Variants in TOPBP1 observed in about 807,000 individuals in gnomAD.
TOPBP1 encodes the protein DNA topoisomerase II binding protein 1.
Under a neutral mutation model 167.7 loss-of-function variants are expected in TOPBP1, and 28 were observed. That is an observed-to-expected ratio of 0.17 (90% CI 0.12 to 0.23). The LOEUF (loss-of-function observed/expected upper bound fraction) is 0.23, where lower values mean the gene tolerates loss of function less well. Ranked by LOEUF, TOPBP1 falls within the 10% of genes least tolerant of loss-of-function variation. TOPBP1 has a pLI of 1.00. For synonymous variants in TOPBP1, 598 were observed against 611.4 expected, an observed-to-expected ratio of 0.98 and a Z score of 0.32; for missense variants, 1,554 against 1,809.6, an observed-to-expected ratio of 0.86 and a Z score of 2.56.
chr3:133,659,160 A>G lies in TOPBP1; in HGVS notation c.85-10T>C, dbSNP rs1936592360. ...GGAATTCTTTTATGGACTGAAAGAA[A>G]AAATAAAATAAGAATGTACCTGAAA... On this transcript the variant is annotated splice_polypyrimidine_tract_variant and intron_variant, in intron 2 of 27. Transcript: ENST00000260810. 6.5e-7 allele frequency: 1 copy of G among 1,541,836 alleles called. No homozygotes were observed. The highest frequency in any genetic ancestry group is 8.7e-7 in the Non-Finnish European group (1 of 1,146,854).
rs779005084 is a variant in TOPBP1, at chr3:133,608,580, G to A, written c.4380C>T (p.Asn1460=). ...TGTATTCTGTTCTCAAGCAGTACAC[G>A]TTCTGGGCAGCAGCTTCTGCTATAT... ...GVNIAEAAAQ[N]VYCLRTEYIA... is the part of the protein sequence containing the mutation. Residue 1460 remains asparagine, a synonymous_variant, in exon 27 of 28, where the codon AAC becomes AAT. Transcript: ENST00000260810. 2.0e-5 allele frequency: 32 copies of A among 1,613,642 alleles called. No homozygotes were observed. The highest frequency in any genetic ancestry group is 3.3e-4 in the Middle Eastern group (2 of 6,084).
Position 133,618,276 on chromosome 3 carries a change from T to C in TOPBP1, c.3529A>G (p.Ile1177Val). 1 of 1,614,020 alleles carries C rather than the reference T, an allele frequency of 6.2e-7. No individual in the cohort carries two copies. The highest frequency in any genetic ancestry group is 8.5e-7 in the Non-Finnish European group (1 of 1,179,868). The stretch of plus-strand genomic sequence containing the variant: ...AAAGGAGAATCCTCCAAGTTTTGAA[T>C]GTCAACCTGAAGCTCAGAGTATTGT... ...PTQYSELQVD[I>V]QNLEDSPFQK... Residue 1177 changes from isoleucine to valine, a missense_variant, in exon 21 of 28, where the codon ATT becomes GTT. Ile to Val is a conservative substitution (Grantham distance 29, BLOSUM62 3). Coordinates refer to ENST00000260810, the MANE Select transcript of TOPBP1 (RefSeq NM_007027.4).
intron 27 of TOPBP1, among the ~76,000 whole-genome samples, chr3:133,605,076 G>A (rs1333461979): frequency 1.3e-5 from 2 of 151,658 alleles, no homozygotes; most frequent in South Asian, 4.2e-4. Flanking sequence ...GCGTGCGCTT[G>A]TAGTCCCAGC....
At chr3:133,637,188 C>T (rs1328507688) in intron 14 of TOPBP1, among the ~76,000 whole-genome samples, 2 of 151,880 alleles carry the variant, frequency 1.3e-5, no homozygotes, top group South Asian at 2.1e-4. Context: ...TTCAAAGGTT[C>T]GTGGATAAAG....
At chr3:133,634,666 T>C (rs1343690974) in intron 14 of TOPBP1, among the ~76,000 whole-genome samples, 3 of 152,056 alleles carry the variant, frequency 2.0e-5, no homozygotes, top group Admixed American at 1.3e-4. Flanking sequence ...TGGAAGAGCA[T>C]TTTCAGGAAA....
At position 133,620,184 on chromosome 3, in the gene TOPBP1, A is replaced by G. The variant is rs773365119; in HGVS notation, c.3342T>C (p.Ser1114=). 1.9e-5 allele frequency: 30 copies of G among 1,613,702 alleles called. No homozygotes were observed. The highest frequency in any genetic ancestry group is 8.5e-7 in the Non-Finnish European group (1 of 1,179,820). ...GTGCCTCTAGGACTCTACTTCGTCC[A>G]CTGCGAGCAGAGCGAGTGCTGTCAG... ...STPDSTRSAR[S]GRSRVLEALR... Residue 1114 remains serine (S), a synonymous_variant, in exon 20 of 28, where the codon AGT becomes AGC. Coordinates refer to ENST00000260810, the MANE Select transcript of TOPBP1 (RefSeq NM_007027.4).
At chr3:133,631,453 A>AT (rs1399292557) in intron 14 of TOPBP1, among the ~76,000 whole-genome samples, 3 of 151,942 alleles carry the variant, frequency 2.0e-5, no homozygotes, top group Admixed American at 6.6e-5. Flanking sequence ...TACTTTTCAG[A>AT]TTTTTTTTAA....
At chr3:133,612,333 C>A in intron 24 of TOPBP1, 56 bp downstream of exon 24, 2 of 1,597,336 alleles carry the variant, frequency 1.3e-6, no homozygotes, top group African/African-American at 1.3e-5. Context: ...AGCCACTGCA[C>A]CCGGTGGACA....
chr3:133,661,178 G>C (rs1371780710), intron 1 of TOPBP1, 44 bp from the exon 2 acceptor site: 8 of 1,442,636 alleles, frequency 5.5e-6, no homozygotes, highest in Non-Finnish European at 7.4e-6. Context: ...AACCACATTA[G>C]ATAAAAAGTT....
chr3:133,652,735 C>T, intron 7 of TOPBP1, 106 bp from the exon 8 acceptor site: 1 of 929,286 alleles, frequency 1.1e-6, no homozygotes. Flanking sequence ...AAACAACTTC[C>T]AAAGTAAGAT....
chr3:133,661,272 G>A (rs1288329495), intron 1 of TOPBP1, 138 bp from the exon 2 acceptor site: 2 of 617,226 alleles, frequency 3.2e-6, no homozygotes, highest in African/African-American at 1.9e-5. Context: ...TTCGTCAACG[G>A]CATTTCTAAG....
chr3:133,612,245 G>T, intron 24 of TOPBP1, 144 bp downstream of exon 24: 1 of 799,874 alleles, frequency 1.3e-6, no homozygotes, highest in Non-Finnish European at 1.9e-6. Context: ...TCACCATGTT[G>T]GCCAGGCATG....
rs188662172 is a variant in TOPBP1 at position 133,660,656 on chromosome 3, A to C, written c.84+388T>G. On this transcript the variant is annotated intron_variant, in intron 2 of 27. Coordinates refer to ENST00000260810, the MANE Select transcript of TOPBP1 (RefSeq NM_007027.4). ...ATCTACATCACCCCTACTATCATCC[A>C]ATTATTATACTGTACATAATAAAAC... Among the ~76,000 whole-genome samples the C allele has an allele frequency of 1.5e-3, 222 of 152,324 alleles. 1 individual carries two copies. The highest frequency in any genetic ancestry group is 2.2e-3 in the Non-Finnish European group (151 of 68,030).
intron 27 of TOPBP1, among the ~76,000 whole-genome samples, chr3:133,602,646 C>A (rs1414858415): frequency 6.9e-6 from 1 of 145,676 alleles, no homozygotes; most frequent in African/African-American, 2.8e-5. Context: ...AAGGCTCAGA[C>A]AGAAACATTT....
intron 16 of TOPBP1, among the ~76,000 whole-genome samples, chr3:133,624,494 AATG>A (rs1279422655): frequency 6.6e-6 from 1 of 152,252 alleles, no homozygotes; most frequent in Non-Finnish European, 1.5e-5. Context: ...CAGTTAAAAA[AATG>A]ATGATAGGCT....
chr3:133,616,201 C>T (rs979731522), intron 23 of TOPBP1, among the ~76,000 whole-genome samples: 1 of 151,102 alleles, frequency 6.6e-6, no homozygotes, highest in African/African-American at 2.4e-5. Flanking sequence ...CTCATTGCAA[C>T]CTCCGCCTCC....
Position 133,649,643 on chromosome 3 carries a change from T to C in TOPBP1, c.1254-10A>G, listed in dbSNP as rs1417565404. 6.2e-7 allele frequency: 1 copy of C among 1,612,230 alleles called. No homozygotes were observed. The highest frequency in any genetic ancestry group is 8.5e-7 in the Non-Finnish European group (1 of 1,179,160). ...TCCCACTACATGAGGCCTACAAAAA[T>C]AGCACATAGTTATGTATTAGTGCAA... On this transcript the variant is annotated splice_polypyrimidine_tract_variant and intron_variant, in intron 9 of 27. Transcript: ENST00000260810.
intron 16 of TOPBP1, among the ~76,000 whole-genome samples, chr3:133,627,032 C>T (rs990137121): frequency 2.6e-5 from 4 of 152,310 alleles, no homozygotes; most frequent in African/African-American, 9.6e-5. Flanking sequence ...GGAACAACTT[C>T]ACTTGAGAAC....
rs1174662990 is a variant in TOPBP1, at chr3:133,643,326, G to A, written c.1895C>T (p.Pro632Leu). The change falls in exon 12 of 28, where the codon CCT becomes CTT. Residue 632 changes from proline (P) to leucine (L), a missense_variant. By Grantham distance (98) the Pro-to-Leu change is moderately conservative. Transcript: ENST00000260810. Reference sequence around the variant, plus strand: ...CATTACTGGAACTGGTGTGAAGAGAGGATTCGACTTTGGATCAAACAAAGT... The same window carrying A: ...CATTACTGGAACTGGTGTGAAGAGAAGATTCGACTTTGGATCAAACAAAGT... ...YQTLFDPKSN[P>L]LFTPVPVMTG... 1 of 1,609,162 alleles carries A rather than the reference G, an allele frequency of 6.2e-7. No homozygotes were observed. The highest frequency in any genetic ancestry group is 8.5e-7 in the Non-Finnish European group (1 of 1,178,062).
Sources: gnomAD v4.1 joint callset for allele counts (sites outside exome capture counted in the v4.1 genomes callset) on GRCh38, gnomAD v4.1.1 for gene constraint, MANE v1.5 for transcripts, NCBI Gene and HGNC (gene_info 2026-07-23, HGNC 2026-07-21) for gene names.